The following AKT3 variants were observed in gnomAD, a reference collection of about 807,000 sequenced individuals.
The protein encoded by AKT3 is AKT serine/threonine kinase 3, also known as RAC-gamma serine/threonine-protein kinase.
Under a neutral mutation model 65.3 loss-of-function variants are expected in AKT3, and 15 were observed. The ratio of observed to expected loss-of-function variants is 0.23; its 90% confidence interval spans 0.15 to 0.35. The LOEUF (loss-of-function observed/expected upper bound fraction) is 0.35, where lower values mean the gene tolerates loss of function less well. Ranked by LOEUF, AKT3 falls within the 10% of genes least tolerant of loss-of-function variation. The pLI is 1.00. For synonymous variants in AKT3, 206 were observed against 183.8 expected (o/e 1.12, Z -0.98); for missense variants, 243 against 576.5 (o/e 0.42, Z 5.92).
chr1:243,602,277 T>C (rs1225292686), intron 8 of AKT3, among the ~76,000 whole-genome samples: 1 of 152,214 alleles, frequency 6.6e-6, no homozygotes, highest in African/African-American at 2.4e-5. Context: ...TAGATGCTAA[T>C]GTAAACATTG....
At chr1:243,836,919 A>T (rs1045757188) in intron 2 of AKT3, among the ~76,000 whole-genome samples, 1 of 151,934 alleles carries the variant, frequency 6.6e-6, no homozygotes, top group African/African-American at 2.4e-5. Context: ...TCAAAAAAAA[A>T]AAAAAAAAAG....
At chr1:243,660,524 C>A (rs935759711) in intron 4 of AKT3, among the ~76,000 whole-genome samples, 6 of 152,122 alleles carry the variant, frequency 3.9e-5, no homozygotes, top group African/African-American at 1.2e-4. Flanking sequence ...TTCATGCTAA[C>A]AACTCTCAAT....
chr1:243,800,672 C>G (rs766343595), intron 2 of AKT3, among the ~76,000 whole-genome samples: 1 of 151,672 alleles, frequency 6.6e-6, no homozygotes, highest in African/African-American at 2.4e-5. Context: ...GAGCCAAGAT[C>G]GCGCCATTGC....
chr1:243,829,301 T>A (rs527397868), intron 2 of AKT3, among the ~76,000 whole-genome samples: 1 of 152,110 alleles, frequency 6.6e-6, no homozygotes, highest in Non-Finnish European at 1.5e-5. Context: ...ACTTAGATAA[T>A]ACAAAATGTT....
chr1:243,649,309 GTATA>G (rs1319267989), intron 4 of AKT3, among the ~76,000 whole-genome samples: 1 of 62,098 alleles, frequency 1.6e-5, no homozygotes, highest in African/African-American at 3.8e-5. Context: ...TATGTTATGT[GTATA>G]TGTGTGTGTG....
intron 6 of AKT3, among the ~76,000 whole-genome samples, chr1:243,636,733 T>C (rs1000261342): frequency 1.8e-4 from 27 of 152,086 alleles, no homozygotes; most frequent in Non-Finnish European, 2.6e-4. Flanking sequence ...TTCCCCAAAG[T>C]ACTGCTTTAA....
rs1382939097 is a variant in AKT3 at position 243,660,512 on chromosome 1, C to G, written c.284+4260G>C. Reference sequence around the variant, plus strand: ...AAGGCCTTTGACAAAATTCAACAACCCTTCATGCTAACAACTCTCAATAAA... The same window carrying G: ...AAGGCCTTTGACAAAATTCAACAACGCTTCATGCTAACAACTCTCAATAAA... On this transcript the variant is annotated intron_variant, in intron 4 of 13. Coordinates refer to ENST00000673466, the MANE Select transcript of AKT3 (RefSeq NM_005465.7). Among the ~76,000 whole-genome samples the G allele has an allele frequency of 1.1e-4, 16 of 152,112 alleles. No individual in the cohort carries two copies. The East Asian group carries it at 1.7e-3, about 16-fold the overall frequency.
intron 9 of AKT3, among the ~76,000 whole-genome samples, chr1:243,570,107 A>C (rs1368768651): frequency 2.0e-5 from 3 of 152,226 alleles, no homozygotes; most frequent in African/African-American, 7.2e-5. Flanking sequence ...TGCTATAAAC[A>C]CTAATTTATT....
At chr1:243,829,911 A>C (rs1394751664) in intron 2 of AKT3, among the ~76,000 whole-genome samples, 2 of 152,226 alleles carry the variant, frequency 1.3e-5, no homozygotes, top group African/African-American at 4.8e-5. Flanking sequence ...CTATGAGAAG[A>C]GGCTAACAGT....
upstream of AKT3, chr1:243,851,024 A>C (rs577034853): frequency 1.3e-5 from 2 of 152,110 alleles, no homozygotes; most frequent in Non-Finnish European, 1.5e-5. Flanking sequence ...CCTTGGGGAG[A>C]TGGGCCCGGC....
At chr1:243,539,323 A>T (rs1672138949) in intron 12 of AKT3, among the ~76,000 whole-genome samples, 2 of 152,154 alleles carry the variant, frequency 1.3e-5, no homozygotes, top group Admixed American at 6.6e-5. Flanking sequence ...CCTCTTCCTT[A>T]TGATTTTATT....
chr1:243,714,458 TTGA>T (rs1339822120), intron 2 of AKT3, among the ~76,000 whole-genome samples: 3 of 152,224 alleles, frequency 2.0e-5, no homozygotes, highest in Non-Finnish European at 2.9e-5. Context: ...ACTATAGCTG[TTGA>T]TAAGATTTCT....
At chr1:243,763,895 A>T (rs1285655766) in intron 2 of AKT3, among the ~76,000 whole-genome samples, 1 of 152,108 alleles carries the variant, frequency 6.6e-6, no homozygotes, top group Admixed American at 6.6e-5. Context: ...TTAATTTCAA[A>T]AGACTTGTAA....
chr1:243,840,279 G>C (rs544842121), intron 2 of AKT3, among the ~76,000 whole-genome samples: 2 of 152,078 alleles, frequency 1.3e-5, no homozygotes, highest in African/African-American at 4.8e-5. Flanking sequence ...CAAAGAGAGC[G>C]TAAGAAATCC....
intron 2 of AKT3, among the ~76,000 whole-genome samples, chr1:243,838,868 GAATACAACATGA>G (rs1369583532): frequency 3.3e-5 from 5 of 152,124 alleles, no homozygotes; most frequent in African/African-American, 1.2e-4. Context: ...TACACATAGA[GAATACAACATGA>G]AAGTTCAGTT....
intron 8 of AKT3, among the ~76,000 whole-genome samples, chr1:243,577,481 C>T (rs1244428914): frequency 6.6e-6 from 1 of 152,048 alleles, no homozygotes; most frequent in African/African-American, 2.4e-5. Flanking sequence ...GTTGGGAGAA[C>T]TAGCTAGCCA....
intron 3 of AKT3, among the ~76,000 whole-genome samples, chr1:243,679,646 G>T (rs1372367800): frequency 1.3e-5 from 2 of 152,144 alleles, no homozygotes; most frequent in African/African-American, 4.8e-5. Context: ...CACATTTAAA[G>T]TGTTCATTGG....
chr1:243,649,597 T>A (rs1269161244), intron 4 of AKT3, among the ~76,000 whole-genome samples: 1 of 152,046 alleles, frequency 6.6e-6, no homozygotes, highest in African/African-American at 2.4e-5. Context: ...CAGTATGTGA[T>A]GTTCCCCTCC....
At chr1:243,694,962 T>C (rs1029763634) in intron 3 of AKT3, among the ~76,000 whole-genome samples, 2 of 152,034 alleles carry the variant, frequency 1.3e-5, no homozygotes, top group Non-Finnish European at 2.9e-5. Context: ...GATTCTCTAA[T>C]TGATTAATCA....
Sources: allele counts gnomAD v4.1 joint callset (sites outside exome capture counted in the v4.1 genomes callset), GRCh38; gene constraint gnomAD v4.1.1; transcripts MANE v1.5; gene names NCBI Gene and HGNC (gene_info 2026-07-23, HGNC 2026-07-21).